The following SMCR8 variants were observed in gnomAD, a reference collection of about 807,000 sequenced individuals.
SMCR8 encodes guanine nucleotide exchange protein SMCR8.
Under a neutral mutation model 56.6 loss-of-function variants are expected in SMCR8, and 30 were observed. That is an observed-to-expected ratio of 0.53 (90% CI 0.40 to 0.72). The LOEUF (loss-of-function observed/expected upper bound fraction) is 0.72. Ranked by LOEUF, SMCR8 falls within the 30% of genes least tolerant of loss-of-function variation. The pLI, the probability that SMCR8 is intolerant of heterozygous loss-of-function variation, is 0.00. For synonymous variants in SMCR8, 538 were observed against 456.0 expected, an observed-to-expected ratio of 1.18 and a Z score of -2.29; for missense variants, 1,198 against 1,157.0, an observed-to-expected ratio of 1.04 and a Z score of -0.51.
chr17:18,321,867 C>G (rs770032837), intron 1 of SMCR8, among the ~76,000 whole-genome samples: 5 of 152,142 alleles, frequency 3.3e-5, no homozygotes, highest in Non-Finnish European at 7.3e-5. Flanking sequence ...TTATCTCCAT[C>G]TTATAGGTGA....
rs1046590855 is a variant in SMCR8, at chr17:18,318,240, C to T, written c.2360+91C>T. The T allele has an allele frequency of 4.0e-6, 5 of 1,247,872 alleles. No homozygotes were observed. In the African/African-American group the frequency reaches 7.5e-5, roughly 19 times the overall value. 77.3% of individuals were successfully genotyped at this position (1,247,872 alleles called of 1,614,324 possible). On this transcript the variant is annotated intron_variant, in intron 1 of 1. Transcript: ENST00000406438. The stretch of plus-strand genomic sequence containing the variant: ...GAGCCAGAATCAGGAAGCCTGGCTT[C>T]TAGACAGGGCCCAGTTCCTACCACT...
chr17:18,316,611 C>T lies in SMCR8; in HGVS notation c.822C>T (p.Ile274=). ...TGTGTCCTGGTGAGATGGAGCACAT[C>T]CAGGATCAGGCCAGCCAGGCATCCA... ...HDLCPGEMEH[I]QDQASQASTT... The change falls in exon 1 of 2, where the codon ATC becomes ATT. Residue 274 remains isoleucine, a synonymous_variant. Transcript: ENST00000406438. 1 of 1,614,164 alleles carries T rather than the reference C, an allele frequency of 6.2e-7. No homozygotes were observed.
At chr17:18,318,232 C>A in intron 1 of SMCR8, 83 bp downstream of exon 1, 1 of 1,368,120 alleles carries the variant, frequency 7.3e-7, no homozygotes, top group Non-Finnish European at 1.0e-6. Flanking sequence ...AATCAGGAAG[C>A]CTGGCTTCTA....
Position 18,315,725 on chromosome 17 carries a change from G to A in SMCR8, c.-65G>A. 6.2e-6 allele frequency: 9 copies of A among 1,454,562 alleles called. No individual in the cohort carries two copies. Among genetic ancestry groups the A allele is most frequent in the Non-Finnish European group, 8.3e-6 (9 of 1,078,676 alleles). 90.1% of individuals were successfully genotyped at this position (1,454,562 alleles called of 1,614,324 possible). On this transcript the variant is annotated 5_prime_UTR_variant, in exon 1 of 2. Transcript: ENST00000406438. ...TTCCTTCTCCGGAGGCCTGCCTTCT[G>A]CGCGTCGATTAACACCGCATTCTTT...
Position 18,317,854 on chromosome 17 carries a change from A to T in SMCR8, c.2065A>T (p.Ile689Phe), listed in dbSNP as rs202018847. Residue 689 changes from isoleucine (I) to phenylalanine (F), a missense_variant, in exon 1 of 2, where the codon ATC becomes TTC. Ile to Phe is a conservative substitution (Grantham distance 21). Coordinates refer to ENST00000406438, the MANE Select transcript of SMCR8 (RefSeq NM_144775.3). ...TGTAGCGTCCACCAGCTCAGACAGG[A>T]TCCCCTCTGCTTATCCTGCTGGCCT... ...SSVASTSSDR[I>F]PSAYPAGLSS... 5.6e-6 allele frequency: 9 copies of T among 1,614,156 alleles called. No homozygotes were observed. In the African/African-American group the frequency reaches 1.1e-4, roughly 19 times the overall value.
chr17:18,322,005 G>A (rs1333750314), intron 1 of SMCR8, among the ~76,000 whole-genome samples: 3 of 152,050 alleles, frequency 2.0e-5, no homozygotes, highest in Admixed American at 2.0e-4. Flanking sequence ...AGAAAGAAGA[G>A]GTTTTTTTGT....
chr17:18,317,349 C>T lies in SMCR8; in HGVS notation c.1560C>T (p.Leu520=). The T allele has an allele frequency of 6.2e-7, 1 of 1,614,120 alleles. No homozygotes were observed. The highest frequency in any genetic ancestry group is 8.5e-7 in the Non-Finnish European group (1 of 1,180,034). ...TCAGCGAGGACAGTATTGAAGTCCTCAGTACCTGCCCCTCTGAGGCCCTCA... is the reference window on the plus strand; with the variant it reads ...TCAGCGAGGACAGTATTGAAGTCCTTAGTACCTGCCCCTCTGAGGCCCTCA... ...RTISEDSIEV[L]STCPSEALIP... Residue 520 remains leucine, a synonymous_variant, in exon 1 of 2, where the codon CTC becomes CTT. Transcript: ENST00000406438.
chr17:18,318,395 GTTT>G (rs1982397916), intron 1 of SMCR8, among the ~76,000 whole-genome samples: 1 of 152,122 alleles, frequency 6.6e-6, no homozygotes, highest in Admixed American at 6.6e-5. Context: ...ATTAGGGAAA[GTTT>G]TTATTTTTAT....
rs373126946 is a variant in SMCR8 at position 18,317,235 on chromosome 17, C to T, written c.1446C>T (p.Ser482=). ...IEVLGTEKST[S]VLSKSDSQAS... is the part of the protein sequence containing the mutation. ...TTTTGGGCACGGAGAAATCCACCTC[C>T]GTGCTTTCTAAATCTGACAGCCAGG... The change falls in exon 1 of 2, where the codon TCC becomes TCT. Residue 482 remains serine (S), a synonymous_variant. Transcript: ENST00000406438. The T allele has an allele frequency of 5.4e-5, 87 of 1,613,968 alleles. No homozygotes were observed. The highest frequency in any genetic ancestry group is 2.2e-4 in the Admixed American group (13 of 59,992).
chr17:18,317,405 G>C lies in SMCR8; in HGVS notation c.1616G>C (p.Ser539Thr), dbSNP rs1461296935. Reference sequence around the variant, plus strand: ...GATGACTTTAAGGCCAGCTACCCAAGTGCCATTAATGAAGAAGAATCATAT... The same window carrying C: ...GATGACTTTAAGGCCAGCTACCCAACTGCCATTAATGAAGAAGAATCATAT... ...IPDDFKASYP[S>T]AINEEESYPD... is the part of the protein sequence containing the mutation. Residue 539 changes from serine (S) to threonine (T), a missense_variant, in exon 1 of 2, where the codon AGT (serine) becomes ACT (threonine). Transcript: ENST00000406438. The C allele has an allele frequency of 3.1e-6, 5 of 1,613,974 alleles. No homozygotes were observed. Among genetic ancestry groups the C allele is most frequent in the Non-Finnish European group, 4.2e-6 (5 of 1,180,060 alleles).
At position 18,317,586 on chromosome 17, in the gene SMCR8, C is replaced by T. The variant is rs911286195; in HGVS notation, c.1797C>T (p.Ser599=). 3.1e-6 allele frequency: 5 copies of T among 1,614,142 alleles called. No homozygotes were observed. Among genetic ancestry groups the T allele is most frequent in the African/African-American group, 1.3e-5 (1 of 75,018 alleles). Residue 599 remains serine (S), a synonymous_variant, in exon 1 of 2, where the codon TCC becomes TCT. Coordinates refer to ENST00000406438, the MANE Select transcript of SMCR8 (RefSeq NM_144775.3). ...KESDGQLVLP[S]TPAHTHSDED... is the part of the protein sequence containing the mutation. ...GCGATGGTCAGTTGGTGCTGCCCTC[C>T]ACTCCAGCCCACACACACTCTGACG...
chr17:18,319,783 T>A (rs1355637960), intron 1 of SMCR8, among the ~76,000 whole-genome samples: 2 of 152,152 alleles, frequency 1.3e-5, no homozygotes, highest in African/African-American at 4.8e-5. Context: ...TGCAGTGATG[T>A]GATCTCAGCC....
Position 18,315,797 on chromosome 17 carries a change from G to A in SMCR8, c.8G>A (p.Ser3Asn). MISAPDVVAFTKE... is the reference protein window; with the variant it reads MINAPDVVAFTKE... Reference sequence around the variant, plus strand: ...CTTCATATATCTGGAAATATGATCAGCGCCCCTGACGTAGTGGCCTTCACC... The same window carrying A: ...CTTCATATATCTGGAAATATGATCAACGCCCCTGACGTAGTGGCCTTCACC... The change falls in exon 1 of 2, where the codon AGC becomes AAC. Residue 3 changes from serine (S) to asparagine (N), a missense_variant. Ser to Asn is a conservative substitution (Grantham distance 46). Transcript: ENST00000406438. 1 of 1,581,058 alleles carries A rather than the reference G, an allele frequency of 6.3e-7. No homozygotes were observed. The highest frequency in any genetic ancestry group is 8.6e-7 in the Non-Finnish European group (1 of 1,160,658).
intron 1 of SMCR8, among the ~76,000 whole-genome samples, chr17:18,320,794 C>T (rs1283213682): frequency 6.6e-6 from 1 of 152,184 alleles, no homozygotes; most frequent in Non-Finnish European, 1.5e-5. Context: ...TGGCCTGTCT[C>T]AGCTGTCCCA....
chr17:18,320,437 C>G (rs1982464182), intron 1 of SMCR8, among the ~76,000 whole-genome samples: 1 of 152,178 alleles, frequency 6.6e-6, no homozygotes, highest in Admixed American at 6.5e-5. Flanking sequence ...TCAGGGGATG[C>G]TGGGCCTGGG....
Position 18,317,351 on chromosome 17 carries a change from G to A in SMCR8, c.1562G>A (p.Ser521Asn). 6.2e-7 allele frequency: 1 copy of A among 1,614,144 alleles called. No homozygotes were observed. Among genetic ancestry groups the A allele is most frequent in the African/African-American group, 1.3e-5 (1 of 75,034 alleles). Reference protein sequence around the residue: ...TISEDSIEVLSTCPSEALIPD... With the variant: ...TISEDSIEVLNTCPSEALIPD... ...AGCGAGGACAGTATTGAAGTCCTCA[G>A]TACCTGCCCCTCTGAGGCCCTCATC... The change falls in exon 1 of 2, where the codon AGT becomes AAT. Residue 521 changes from serine (S) to asparagine (N), a missense_variant. Coordinates refer to ENST00000406438, the MANE Select transcript of SMCR8 (RefSeq NM_144775.3).
At position 18,322,932 on chromosome 17, in the gene SMCR8, G is replaced by A. The variant is rs770308748; in HGVS notation, c.2676G>A (p.Leu892=). ...AGATGAGCTTCCTAAAGCTGACCCT[G>A]GGTCTGGTGAATGAGGATGTTAGGG... The part of the protein sequence containing the change: ...SRQMSFLKLT[L]GLVNEDVRVV... The change falls in exon 2 of 2, where the codon CTG becomes CTA. Residue 892 remains leucine, a synonymous_variant. Coordinates refer to ENST00000406438, the MANE Select transcript of SMCR8 (RefSeq NM_144775.3). The A allele has an allele frequency of 2.0e-5, 33 of 1,614,124 alleles. No homozygotes were observed. Among genetic ancestry groups the A allele is most frequent in the African/African-American group, 2.7e-5 (2 of 74,942 alleles).
Position 18,317,681 on chromosome 17 carries a change from CA to C in SMCR8, c.1893del (p.Val632TrpfsTer47). On this transcript the variant is annotated frameshift_variant, in exon 1 of 2. Transcript: ENST00000406438. LOFTEE classifies it high-confidence loss of function. ...GACCAGGGGTTCCGTGTAGACTTTTCAGTGGAAAATGCCAACCCTTCTTCCC... is the reference window on the plus strand; with the variant it reads ...GACCAGGGGTTCCGTGTAGACTTTTCGTGGAAAATGCCAACCCTTCTTCCC... ...QKDQGFRVDFSVENANPSSRD... is the reference protein window; with the variant it reads ...QKDQGFRVDFXVENANPSSRD... The C allele has an allele frequency of 6.2e-7, 1 of 1,614,162 alleles. No individual in the cohort carries two copies. The highest frequency in any genetic ancestry group is 8.5e-7 in the Non-Finnish European group (1 of 1,180,024).
rs768287735 is a variant in SMCR8 at position 18,316,096 on chromosome 17, T to C, written c.307T>C (p.Phe103Leu). Reference sequence around the variant, plus strand: ...CATGTCTGTGGATTACCAGGCTTCCTTCGTGGGCCATCCTCCTGGATCTGC... The same window carrying C: ...CATGTCTGTGGATTACCAGGCTTCCCTCGTGGGCCATCCTCCTGGATCTGC... ...RIMSVDYQAS[F>L]VGHPPGSAYP... Residue 103 changes from phenylalanine to leucine, a missense_variant, in exon 1 of 2, where the codon TTC (phenylalanine) becomes CTC (leucine). Physicochemically the swap from Phe to Leu is conservative, Grantham distance 22. Coordinates refer to ENST00000406438, the MANE Select transcript of SMCR8 (RefSeq NM_144775.3). 4.3e-6 allele frequency: 7 copies of C among 1,614,200 alleles called. No individual in the cohort carries two copies. The highest frequency in any genetic ancestry group is 5.9e-6 in the Non-Finnish European group (7 of 1,180,040).
Sources: allele counts gnomAD v4.1 joint callset (sites outside exome capture counted in the v4.1 genomes callset), GRCh38; gene constraint gnomAD v4.1.1; transcripts MANE v1.5; gene names NCBI Gene and HGNC (gene_info 2026-07-23, HGNC 2026-07-21).